The following SEMA6D variants were observed in gnomAD, a reference collection of about 807,000 sequenced individuals.
SEMA6D encodes semaphorin 6D.
A neutral mutation model predicts 106.6 loss-of-function variants in SEMA6D; 35 were observed. The ratio of observed to expected loss-of-function variants is 0.33; its 90% CI spans 0.25 to 0.44. The LOEUF (loss-of-function observed/expected upper bound fraction) is 0.44, where lower values mean the gene tolerates loss of function less well. Among genes scored for constraint, SEMA6D ranks in the 20% least tolerant of loss-of-function variants. The pLI is 1.00. For missense variants in SEMA6D, 1,185 were observed against 1,345.9 expected (o/e 0.88, Z 1.87); for synonymous variants, 499 against 487.7 (o/e 1.02, Z -0.31).
intron 1 of SEMA6D, among the ~76,000 whole-genome samples, chr15:47,199,155 T>C (rs925720119): frequency 2.0e-5 from 3 of 152,186 alleles, no homozygotes; most frequent in Admixed American, 1.3e-4. Flanking sequence ...TTCTAGTCTT[T>C]CCACAAAATA....
At chr15:47,447,376 G>C (rs1876321165) in intron 2 of SEMA6D, among the ~76,000 whole-genome samples, 1 of 152,102 alleles carries the variant, frequency 6.6e-6, no homozygotes, top group African/African-American at 2.4e-5. Context: ...GGGGCTGAAG[G>C]TTGAGTCTGT....
intron 1 of SEMA6D, among the ~76,000 whole-genome samples, chr15:47,260,947 G>A (rs2142077544): frequency 6.6e-6 from 1 of 152,196 alleles, no homozygotes; most frequent in African/African-American, 2.4e-5. Context: ...TTTTCTGTTG[G>A]GAGGAGGGAC....
chr15:47,333,326 A>T (rs2037418926), intron 1 of SEMA6D, among the ~76,000 whole-genome samples: 1 of 152,198 alleles, frequency 6.6e-6, no homozygotes. Context: ...ATAATTGATC[A>T]AAACCTAAAG....
At chr15:47,208,243 G>A (rs770198154) in intron 1 of SEMA6D, among the ~76,000 whole-genome samples, 13 of 151,894 alleles carry the variant, frequency 8.6e-5, no homozygotes, top group South Asian at 2.1e-4. Flanking sequence ...ATTAGTTAAC[G>A]TATTAAAACC....
chr15:47,475,737 G>A (rs2042984093), intron 3 of SEMA6D, among the ~76,000 whole-genome samples: 1 of 152,080 alleles, frequency 6.6e-6, no homozygotes, highest in Admixed American at 6.6e-5. Context: ...AATTAGGTCT[G>A]AAAACATGGT....
At chr15:47,196,214 G>T (rs1044317047) in intron 1 of SEMA6D, among the ~76,000 whole-genome samples, 1 of 152,062 alleles carries the variant, frequency 6.6e-6, no homozygotes, top group Non-Finnish European at 1.5e-5. Context: ...CTCAGTTCTT[G>T]GACATCCCTA....
intron 4 of SEMA6D, among the ~76,000 whole-genome samples, chr15:47,691,781 A>T (rs1022520276): frequency 1.3e-5 from 2 of 152,008 alleles, no homozygotes; most frequent in Non-Finnish European, 2.9e-5. Flanking sequence ...AGTGCCCACC[A>T]TATGCCAGGT....
At chr15:47,195,097 T>C (rs1566918425) in intron 1 of SEMA6D, among the ~76,000 whole-genome samples, 1 of 152,098 alleles carries the variant, frequency 6.6e-6, no homozygotes, top group Admixed American at 6.6e-5. Context: ...TATCATTAAT[T>C]ACCTGAAACT....
intron 1 of SEMA6D, among the ~76,000 whole-genome samples, chr15:47,738,377 C>T (rs191059890): frequency 7.9e-5 from 12 of 152,300 alleles, no homozygotes; most frequent in African/African-American, 2.4e-4. Context: ...ATATGTACCA[C>T]ATTTTCTTTA....
At chr15:47,546,206 T>A (rs2045516509) in intron 3 of SEMA6D, among the ~76,000 whole-genome samples, 1 of 152,120 alleles carries the variant, frequency 6.6e-6, no homozygotes. Context: ...TGCAAAGTAG[T>A]GTGAGGCAAG....
chr15:47,730,062 A>T (rs1310028852), intron 1 of SEMA6D: 4 of 654,038 alleles, frequency 6.1e-6, no homozygotes, highest in Non-Finnish European at 1.0e-5. Flanking sequence ...ATTTTATTTT[A>T]GTTTAGTTTA....
intron 3 of SEMA6D, among the ~76,000 whole-genome samples, chr15:47,529,532 A>G (rs977828305): frequency 2.0e-5 from 3 of 151,026 alleles, no homozygotes; most frequent in Admixed American, 2.0e-4. Context: ...AGCCTAACCT[A>G]GTCACACTCA....
chr15:47,428,907 G>A (rs1397630783), intron 2 of SEMA6D, among the ~76,000 whole-genome samples: 4 of 151,580 alleles, frequency 2.6e-5, no homozygotes, highest in Non-Finnish European at 4.4e-5. Flanking sequence ...AAGAAAAGAA[G>A]TGGAAAGAAG....
intron 3 of SEMA6D, among the ~76,000 whole-genome samples, chr15:47,493,455 C>T (rs2043535184): frequency 6.6e-6 from 1 of 152,130 alleles, no homozygotes; most frequent in Non-Finnish European, 1.5e-5. Flanking sequence ...TAGAAAGGCA[C>T]TTTACAATAT....
At chr15:47,216,853 T>C (rs1324641860) in intron 1 of SEMA6D, among the ~76,000 whole-genome samples, 2 of 152,158 alleles carry the variant, frequency 1.3e-5, no homozygotes, top group Non-Finnish European at 2.9e-5. Flanking sequence ...AATTAGAAAT[T>C]TGCTAATACT....
At chr15:47,262,805 G>C (rs1239052932) in intron 1 of SEMA6D, among the ~76,000 whole-genome samples, 3 of 152,008 alleles carry the variant, frequency 2.0e-5, no homozygotes. Flanking sequence ...CTATGCTACA[G>C]AGCTACAGTA....
intron 1 of SEMA6D, among the ~76,000 whole-genome samples, chr15:47,319,309 T>C (rs1267897955): frequency 6.6e-6 from 1 of 152,206 alleles, no homozygotes; most frequent in African/African-American, 2.4e-5. Context: ...CCCATTCTTG[T>C]GTTTGCTCTG....
intron 4 of SEMA6D, 42 bp from the exon 5 acceptor site, chr15:47,761,116 T>C: frequency 5.6e-6 from 9 of 1,612,310 alleles, no homozygotes; most frequent in Non-Finnish European, 7.6e-6. Context: ...CCCAAAAATG[T>C]TCGCAGTTAA....
rs548327219 is a variant in SEMA6D at position 47,771,323 on chromosome 15, T to G, written c.2760T>G (p.Pro920=). ...DPMGSMSEVP[P]KVPNREASLY... is the part of the protein sequence containing the mutation. Reference sequence around the variant, plus strand: ...TGGGATCGATGTCTGAGGTCCCACCTAAAGTCCCTAACCGGGAGGCATCGC... The same window carrying G: ...TGGGATCGATGTCTGAGGTCCCACCGAAAGTCCCTAACCGGGAGGCATCGC... The change falls in exon 19 of 19, where the codon CCT becomes CCG. Residue 920 remains proline (P), a synonymous_variant. Transcript: ENST00000536845. 1 of 1,613,848 alleles carries G rather than the reference T, an allele frequency of 6.2e-7. No individual in the cohort carries two copies. Among genetic ancestry groups the G allele is most frequent in the African/African-American group, 1.3e-5 (1 of 74,882 alleles).
Sources: gnomAD v4.1 joint callset for allele counts (sites outside exome capture counted in the v4.1 genomes callset) on GRCh38, gnomAD v4.1.1 for gene constraint, MANE v1.5 for transcripts, NCBI Gene and HGNC (gene_info 2026-07-23, HGNC 2026-07-21) for gene names.